Variants in MYBPC1 observed in about 807,000 individuals in gnomAD.
The protein encoded by MYBPC1 is myosin-binding protein C, slow-type.
A neutral mutation model predicts 147.1 loss-of-function variants in MYBPC1; 52 were observed. The observed-to-expected ratio is 0.35, with a 90% confidence interval of 0.28 to 0.45. The LOEUF is 0.45. Among genes scored for constraint, MYBPC1 ranks in the 20% least tolerant of loss-of-function variants. The pLI is 1.00. For synonymous variants in MYBPC1, 477 were observed against 475.9 expected (o/e 1.00, Z -0.03); for missense variants, 1,228 against 1,440.3 (o/e 0.85, Z 2.39).
intron 1 of MYBPC1, among the ~76,000 whole-genome samples, chr12:101,610,667 T>C (rs1299132336): frequency 3.3e-5 from 5 of 152,168 alleles, no homozygotes; most frequent in Non-Finnish European, 7.4e-5. Flanking sequence ...ATTTCTCTCA[T>C]ACTTGAGGAA....
In MYBPC1 at chr12:101,662,348, A is replaced by C; in HGVS notation, c.2033-10A>C. On this transcript the variant is annotated splice_polypyrimidine_tract_variant and intron_variant, in intron 20 of 31. Transcript: ENST00000361466. ...GGAAAAACCTTAGTTTTCATTTTGC[A>C]TACCTGCAGGATATTTTATTGAGAG... 1.9e-6 allele frequency: 3 copies of C among 1,614,010 alleles called. No homozygotes were observed. The highest frequency in any genetic ancestry group is 1.3e-5 in the African/African-American group (1 of 75,044).
At chr12:101,678,512 A>G (rs1275495000) in intron 28 of MYBPC1, among the ~76,000 whole-genome samples, 2 of 152,226 alleles carry the variant, frequency 1.3e-5, no homozygotes, top group African/African-American at 2.4e-5. Flanking sequence ...AAGTATAATA[A>G]TATTGTTTCA....
At chr12:101,625,103 C>G (rs1323950832) in intron 3 of MYBPC1, among the ~76,000 whole-genome samples, 1 of 151,670 alleles carries the variant, frequency 6.6e-6, no homozygotes, top group Non-Finnish European at 1.5e-5. Flanking sequence ...TTAAGTCTGA[C>G]CATACATCAC....
In MYBPC1 at chr12:101,678,118, T is replaced by C. The variant is rs756258347; in HGVS notation, c.3126T>C (p.Asn1042=). 5 of 1,613,546 alleles carry C rather than the reference T, an allele frequency of 3.1e-6. No homozygotes were observed. In the Admixed American group the frequency reaches 5.0e-5, roughly 16 times the overall value. ...GTTTTTAAGGTAAAATCTACAAAAA[T>C]CCAGTGTATGAAGACTTTGATTTCT... The part of the protein sequence containing the change: ...VIARDGKIYK[N]PVYEDFDFSE... The change falls in exon 28 of 32, where the codon AAT becomes AAC. Residue 1042 remains asparagine (N), a synonymous_variant. Transcript: ENST00000361466.
intron 1 of MYBPC1, among the ~76,000 whole-genome samples, chr12:101,601,570 A>T (rs1173062288): frequency 6.6e-6 from 1 of 152,176 alleles, no homozygotes; most frequent in Non-Finnish European, 1.5e-5. Context: ...CTGTAATCTG[A>T]CTTTCATTAT....
intron 24 of MYBPC1, among the ~76,000 whole-genome samples, chr12:101,672,108 A>G (rs771559601): frequency 6.6e-5 from 10 of 152,314 alleles, no homozygotes; most frequent in Non-Finnish European, 1.0e-4. Context: ...TAGAGAACCC[A>G]CATTTTTCCC....
intron 12 of MYBPC1, 126 bp downstream of exon 12, chr12:101,644,922 G>T (rs1892753014): frequency 1.0e-6 from 1 of 973,564 alleles, no homozygotes; most frequent in African/African-American, 1.6e-5. Flanking sequence ...TGGAGAGAGA[G>T]TAAACATTTA....
chr12:101,642,687 T>C (rs905004356), intron 11 of MYBPC1, 102 bp downstream of exon 11: 5 of 1,363,460 alleles, frequency 3.7e-6, no homozygotes, highest in Middle Eastern at 2.3e-4. Flanking sequence ...TCCCGCGGGG[T>C]TGGGAGTGGG....
chr12:101,624,875 G>C (rs947476013), intron 3 of MYBPC1, among the ~76,000 whole-genome samples: 1 of 151,958 alleles, frequency 6.6e-6, no homozygotes, highest in African/African-American at 2.4e-5. Flanking sequence ...TATGAACTTT[G>C]TTCACAGACC....
chr12:101,629,529 G>C lies in MYBPC1; in HGVS notation c.274G>C (p.Gly92Arg). 1 of 1,612,924 alleles carries C rather than the reference G, an allele frequency of 6.2e-7. No homozygotes were observed. The highest frequency in any genetic ancestry group is 8.5e-7 in the Non-Finnish European group (1 of 1,179,004). The change falls in exon 6 of 32, where the codon GGA (glycine) becomes CGA (arginine). Residue 92 changes from glycine to arginine, a missense_variant. By Grantham distance (125) the Gly-to-Arg change is moderately radical. Transcript: ENST00000361466. ...CTTGTTCATTGAAAAACCTCAAGGA[G>C]GAACAGTGAAAGTTGGTGAGTGCCT... Reference protein sequence around the residue: ...SILFIEKPQGGTVKVGEDITF... With the variant: ...SILFIEKPQGRTVKVGEDITF...
chr12:101,661,237 C>G lies in MYBPC1; in HGVS notation c.2007C>G (p.Ala669=), dbSNP rs773633586. The change falls in exon 20 of 32, where the codon GCC becomes GCG. Residue 669 remains alanine, a synonymous_variant. Coordinates refer to ENST00000361466, the MANE Select transcript of MYBPC1 (RefSeq NM_002465.4). ...GTATCATGAACTGGGAGCCTCCTGC[C>G]TACGACGGAGGCTCTCCAATCCTAG... The part of the protein sequence containing the change: ...DWCIMNWEPP[A]YDGGSPILGY... 2.5e-6 allele frequency: 4 copies of G among 1,612,810 alleles called. No homozygotes were observed. Among genetic ancestry groups the G allele is most frequent in the African/African-American group, 1.3e-5 (1 of 74,894 alleles).
downstream of MYBPC1, among the ~76,000 whole-genome samples, chr12:101,690,035 C>T (rs1421492340): frequency 6.6e-6 from 1 of 152,098 alleles, no homozygotes; most frequent in African/African-American, 2.4e-5. Context: ...ATTAGCCAGG[C>T]GTGGTGGCGC....
intron 7 of MYBPC1, 88 bp from the exon 8 acceptor site, chr12:101,631,933 T>C: frequency 7.4e-7 from 1 of 1,344,092 alleles, no homozygotes; most frequent in South Asian, 1.2e-5. Flanking sequence ...TGTACTGGAA[T>C]TCCCACAGAC....
intron 25 of MYBPC1, 33 bp downstream of exon 25, chr12:101,673,655 T>C (rs1252085534): frequency 6.2e-7 from 1 of 1,610,248 alleles, no homozygotes; most frequent in Admixed American, 1.7e-5. Flanking sequence ...GAAAGTTCTG[T>C]CAAAGCAGTA....
chr12:101,600,099 A>C (rs1879257233), intron 1 of MYBPC1, among the ~76,000 whole-genome samples: 1 of 152,196 alleles, frequency 6.6e-6, no homozygotes, highest in African/African-American at 2.4e-5. Flanking sequence ...TCACCCAGTA[A>C]ATCTAAAGAA....
intron 23 of MYBPC1, among the ~76,000 whole-genome samples, chr12:101,668,528 C>T (rs1271390553): frequency 6.6e-6 from 1 of 151,968 alleles, no homozygotes; most frequent in Non-Finnish European, 1.5e-5. Context: ...ATGGCACAAT[C>T]TTGGCCACTG....
intron 27 of MYBPC1, 105 bp downstream of exon 27, chr12:101,677,499 G>A: frequency 7.4e-7 from 1 of 1,353,330 alleles, no homozygotes; most frequent in Non-Finnish European, 1.0e-6. Flanking sequence ...AATGGTAAAT[G>A]TACATTGTAA....
intron 24 of MYBPC1, among the ~76,000 whole-genome samples, chr12:101,671,738 G>C (rs139818780): frequency 6.6e-6 from 1 of 152,246 alleles, no homozygotes; most frequent in Non-Finnish European, 1.5e-5. Flanking sequence ...CCCAGATCTG[G>C]GGGTCTGCGT....
At chr12:101,669,868 C>T (rs1338551288) in intron 23 of MYBPC1, 8 of 253,084 alleles carry the variant, frequency 3.2e-5, no homozygotes, top group East Asian at 2.7e-4. Context: ...ACCCAGGAGG[C>T]GGAGGTTGCA....
Sources: gnomAD v4.1 joint callset for allele counts (sites outside exome capture counted in the v4.1 genomes callset) on GRCh38, gnomAD v4.1.1 for gene constraint, MANE v1.5 for transcripts, NCBI Gene and HGNC (gene_info 2026-07-23, HGNC 2026-07-21) for gene names.